The following DYNC2H1 variants were observed in gnomAD, a reference collection of about 807,000 sequenced individuals.
DYNC2H1 encodes the protein cytoplasmic dynein 2 heavy chain 1.
Under a neutral mutation model 570.0 loss-of-function variants are expected in DYNC2H1, and 410 were observed. That is an observed-to-expected ratio of 0.72 (90% confidence interval 0.66 to 0.78). The LOEUF is 0.78. DYNC2H1 is among the 30% of genes least tolerant of loss of function. The pLI is 0.00. For missense variants in DYNC2H1, 4,865 were observed against 5,046.4 expected, an observed-to-expected ratio of 0.96 and a Z score of 1.09; for synonymous variants, 1,688 against 1,677.6, an observed-to-expected ratio of 1.01 and a Z score of -0.15.
chr11:103,389,384 TGC>T (rs1186255868), intron 83 of DYNC2H1, among the ~76,000 whole-genome samples: 1 of 152,210 alleles, frequency 6.6e-6, no homozygotes, highest in Non-Finnish European at 1.5e-5. Context: ...TATTTGATTC[TGC>T]TCTCTTTTCT....
chr11:103,131,949 G>T (rs1555042284), intron 13 of DYNC2H1, among the ~76,000 whole-genome samples: 3 of 152,098 alleles, frequency 2.0e-5, no homozygotes, highest in Non-Finnish European at 4.4e-5. Context: ...GGTTTACTCA[G>T]CTTCTTGAAT....
At chr11:103,453,412 ATAT>A (rs1944676130) in intron 85 of DYNC2H1, among the ~76,000 whole-genome samples, 1 of 152,038 alleles carries the variant, frequency 6.6e-6, no homozygotes, top group South Asian at 2.1e-4. Flanking sequence ...CTGTTCAAAG[ATAT>A]TATGCATGCT....
intron 83 of DYNC2H1, among the ~76,000 whole-genome samples, chr11:103,381,379 C>G (rs1020973410): frequency 6.6e-6 from 1 of 152,160 alleles, no homozygotes; most frequent in Admixed American, 6.5e-5. Context: ...TTATAAAAGC[C>G]TGGCATAACA....
At chr11:103,391,039 G>T (rs1029707512) in intron 83 of DYNC2H1, among the ~76,000 whole-genome samples, 4 of 152,130 alleles carry the variant, frequency 2.6e-5, no homozygotes, top group African/African-American at 9.7e-5. Context: ...TCTGAATGTT[G>T]GCCTGTCTTG....
At chr11:103,478,621 TG>T (rs1179643600) in intron 88 of DYNC2H1, among the ~76,000 whole-genome samples, 1 of 152,122 alleles carries the variant, frequency 6.6e-6, no homozygotes, top group Non-Finnish European at 1.5e-5. Context: ...GCAAACAAAT[TG>T]CTAGGAAAAG....
At chr11:103,212,836 G>T (rs1591417979) in intron 54 of DYNC2H1, among the ~76,000 whole-genome samples, 1 of 151,948 alleles carries the variant, frequency 6.6e-6, no homozygotes, top group Non-Finnish European at 1.5e-5. Context: ...TCCTGATTTA[G>T]TTCTCTATGG....
chr11:103,246,654 A>G (rs1232378499), intron 65 of DYNC2H1, among the ~76,000 whole-genome samples: 1 of 152,012 alleles, frequency 6.6e-6, no homozygotes, highest in Non-Finnish European at 1.5e-5. Flanking sequence ...TATTCGTGTC[A>G]CACTAGTCTG....
rs769074141 is a variant in DYNC2H1, at chr11:103,189,661, A to AT, written c.7293-3dup. The AT allele has an allele frequency of 1.1e-5, 17 of 1,607,846 alleles. No homozygotes were observed. The highest frequency in any genetic ancestry group is 3.4e-5 in the Admixed American group (2 of 59,556). On this transcript the variant is annotated splice_polypyrimidine_tract_variant and intron_variant, in intron 44 of 88. Transcript: ENST00000375735. This position sits in a 1 kb window ranked among gnomAD's most constrained non-coding sequence, Gnocchi z 4.3. ...TATTTCAGCTTTCTTCTTATATGCC[A>AT]TTTTTTTTAGTTACCCAGAAAGAGA... is the stretch of plus-strand genomic sequence containing the variant.
chr11:103,300,040 A>G (rs1014003570), intron 75 of DYNC2H1, among the ~76,000 whole-genome samples: 3 of 152,040 alleles, frequency 2.0e-5, no homozygotes, highest in Non-Finnish European at 1.5e-5. Flanking sequence ...AGGTAATTTT[A>G]TACATCTGAT....
intron 34 of DYNC2H1, 22 bp downstream of exon 34, chr11:103,171,090 TA>T: frequency 6.5e-7 from 1 of 1,527,846 alleles, no homozygotes; most frequent in East Asian, 2.3e-5. Context: ...GTTGGGAATT[TA>T]AAGAATTAAA....
intron 85 of DYNC2H1, among the ~76,000 whole-genome samples, chr11:103,452,951 G>A (rs868381434): frequency 6.6e-6 from 1 of 151,940 alleles, no homozygotes; most frequent in East Asian, 1.9e-4. Flanking sequence ...AGGTAAACTC[G>A]ATAATCTTTA....
At position 103,186,312 on chromosome 11, in the gene DYNC2H1, G is replaced by C; in HGVS notation, c.6704G>C (p.Arg2235Thr). ...ATGGATACCTACTATGACTCTACTAGGGGTCGATTAGCAACATATGTGCTT... is the reference window on the plus strand; with the variant it reads ...ATGGATACCTACTATGACTCTACTACGGGTCGATTAGCAACATATGTGCTT... Reference protein sequence around the residue: ...KPMDTYYDSTRGRLATYVLKK... With the variant: ...KPMDTYYDSTTGRLATYVLKK... The change falls in exon 42 of 89, where the codon AGG becomes ACG. Residue 2235 changes from arginine (R) to threonine (T), a missense_variant. By Grantham distance (71) the Arg-to-Thr change is moderately conservative (BLOSUM62 -1). Around this residue, in one of 5 missense-constraint regions of DYNC2H1, gnomAD observed 2,401 missense variants for 2,454.6 expected, o/e 0.98. Transcript: ENST00000375735. This position sits in a 1 kb window ranked among gnomAD's most constrained non-coding sequence, Gnocchi z 4.5. 1 of 1,612,600 alleles carries C rather than the reference G, an allele frequency of 6.2e-7. No individual in the cohort carries two copies. Among genetic ancestry groups the C allele is most frequent in the South Asian group, 1.1e-5 (1 of 91,044 alleles).
At chr11:103,242,960 C>G in intron 63 of DYNC2H1, among the ~76,000 whole-genome samples, 1 of 152,254 alleles carries the variant, frequency 6.6e-6, no homozygotes, top group Middle Eastern at 3.4e-3. Context: ...ACTTCATGAT[C>G]TATCCACCTC....
chr11:103,266,709 T>G (rs1402586099), intron 70 of DYNC2H1, among the ~76,000 whole-genome samples: 1 of 152,126 alleles, frequency 6.6e-6, no homozygotes. Flanking sequence ...CATGGGCTGG[T>G]GCACAGCTAT....
chr11:103,220,737 T>C lies in DYNC2H1; in HGVS notation c.9061T>C (p.Leu3021=), dbSNP rs748013079. ...DVIRDILEGV[L]RLMGIFDTSW... ...AATTAGAGATATTCTTGAAGGAGTT[T>C]TAAGGTTGATGGGTATCTTTGATAC... Residue 3021 remains leucine (L), a synonymous_variant, in exon 57 of 89, where the codon TTA becomes CTA. Transcript: ENST00000375735. 18 of 1,612,868 alleles carry C rather than the reference T, an allele frequency of 1.1e-5. No individual in the cohort carries two copies. Among genetic ancestry groups the C allele is most frequent in the Non-Finnish European group, 1.5e-5 (18 of 1,179,234 alleles).
Position 103,472,197 on chromosome 11 carries a change from T to C in DYNC2H1, c.12765+3492T>C, listed in dbSNP as rs11225820. ...GAAGCTGAGTAGCCATGCCAGAGTT[T>C]AGACCACCTTATGATCAGTAGGAAG... On this transcript the variant is annotated intron_variant, in intron 88 of 88. Coordinates refer to ENST00000375735, the MANE Select transcript of DYNC2H1 (RefSeq NM_001377.3). This position sits in a 1 kb window ranked among gnomAD's most constrained non-coding sequence, Gnocchi z 4.1. 0.079 allele frequency among the ~76,000 whole-genome samples: 12,029 copies of C among 152,030 alleles called. 491 individuals are homozygous for C. The highest frequency in any genetic ancestry group is 0.095 in the Non-Finnish European group (6,438 of 67,986).
At chr11:103,195,088 G>A (rs1862467958) in intron 47 of DYNC2H1, among the ~76,000 whole-genome samples, 1 of 152,138 alleles carries the variant, frequency 6.6e-6, no homozygotes, top group African/African-American at 2.4e-5. Flanking sequence ...TGGATATATG[G>A]TTTGCAAATA....
chr11:103,347,265 A>T (rs964197621), intron 82 of DYNC2H1, among the ~76,000 whole-genome samples: 1 of 152,168 alleles, frequency 6.6e-6, no homozygotes, highest in African/African-American at 2.4e-5. Flanking sequence ...TAAGACTTAT[A>T]ATACATAACA....
chr11:103,238,151 A>T (rs1021925465), intron 63 of DYNC2H1, among the ~76,000 whole-genome samples: 3 of 152,192 alleles, frequency 2.0e-5, no homozygotes, highest in Admixed American at 6.6e-5. Context: ...ACATCAACTC[A>T]TTAACATCAC....
Sources: allele counts gnomAD v4.1 joint callset (sites outside exome capture counted in the v4.1 genomes callset), GRCh38; gene constraint gnomAD v4.1.1; regional missense constraint gnomAD v4.1.1; non-coding constraint Gnocchi (gnomAD v3.1); transcripts MANE v1.5; gene names NCBI Gene and HGNC (gene_info 2026-07-23, HGNC 2026-07-21).